ZNF536: variants seen among roughly 807,000 people sequenced by gnomAD.
The protein encoded by ZNF536 is zinc finger protein 536.
Under a neutral mutation model 84.5 loss-of-function variants are expected in ZNF536, and 13 were observed. The observed-to-expected ratio is 0.15, with a 90% confidence interval of 0.10 to 0.24. ZNF536 has a LOEUF of 0.24. ZNF536 is among the 10% of genes least tolerant of loss of function. ZNF536 has a pLI of 1.00. For synonymous variants in ZNF536, 811 were observed against 742.5 expected (o/e 1.09, Z -1.50); for missense variants, 1,536 against 1,747.5 (o/e 0.88, Z 2.16).
chr19:30,597,416 G>T (rs2047505819), intron 1 of ZNF536, among the ~76,000 whole-genome samples: 1 of 152,244 alleles, frequency 6.6e-6, no homozygotes, highest in Non-Finnish European at 1.5e-5. Context: ...ACCTGGCAGG[G>T]TTAGCCCGAG....
chr19:30,588,985 A>T (rs986963450), intron 1 of ZNF536, among the ~76,000 whole-genome samples: 1 of 152,232 alleles, frequency 6.6e-6, no homozygotes, highest in African/African-American at 2.4e-5. Flanking sequence ...TGTGGCCAAA[A>T]GAATAGAGCT....
intron 2 of ZNF536, among the ~76,000 whole-genome samples, chr19:30,349,346 G>A (rs2047854476): frequency 6.6e-6 from 1 of 152,206 alleles, no homozygotes; most frequent in Non-Finnish European, 1.5e-5. Context: ...TGACCCCGGT[G>A]TGAATGTCAT....
chr19:30,564,803 C>T (rs2046292684), intron 1 of ZNF536, among the ~76,000 whole-genome samples: 1 of 152,206 alleles, frequency 6.6e-6, no homozygotes, highest in African/African-American at 2.4e-5. Flanking sequence ...CTTTTCCCTG[C>T]TCTGCCTTCA....
intron 1 of ZNF536, among the ~76,000 whole-genome samples, chr19:30,394,988 G>A (rs759293049): frequency 2.6e-5 from 4 of 152,102 alleles, no homozygotes; most frequent in African/African-American, 4.8e-5. Context: ...TTGTGAGCTC[G>A]GTTACTCCTG....
At chr19:30,313,216 G>A (rs73016818) in intron 2 of ZNF536, among the ~76,000 whole-genome samples, 3,356 of 152,320 alleles carry the variant, frequency 0.022, 50 homozygotes, top group Non-Finnish European at 0.029. Flanking sequence ...CCCAGATAGC[G>A]GGGTGGAGGT....
At chr19:30,547,785 TAA>T (rs967882587) in intron 3 of ZNF536, among the ~76,000 whole-genome samples, 156 bp from the exon 4 acceptor site, 1 of 152,356 alleles carries the variant, frequency 6.6e-6, no homozygotes, top group African/African-American at 2.4e-5. Context: ...TAAAAAAGCT[TAA>T]GAGTACGAAT....
At chr19:30,607,781 T>C (rs1233982811) in intron 1 of ZNF536, among the ~76,000 whole-genome samples, 3 of 151,564 alleles carry the variant, frequency 2.0e-5, no homozygotes, top group Non-Finnish European at 4.4e-5. Context: ...ATATTAGAAA[T>C]ATATATGTAT....
chr19:30,616,855 T>G (rs1267470595), intron 1 of ZNF536, among the ~76,000 whole-genome samples: 2 of 152,166 alleles, frequency 1.3e-5, no homozygotes, highest in African/African-American at 4.8e-5. Context: ...GTTTAAATTT[T>G]TTCTCTCTCC....
At chr19:30,403,407 C>T (rs772637742) in intron 1 of ZNF536, among the ~76,000 whole-genome samples, 20 of 152,136 alleles carry the variant, frequency 1.3e-4, no homozygotes, top group Admixed American at 9.8e-4. Flanking sequence ...TCAAAGGCTG[C>T]GCAAGAATGT....
At chr19:30,512,274 A>C (rs1342015884) in intron 2 of ZNF536, among the ~76,000 whole-genome samples, 2 of 152,168 alleles carry the variant, frequency 1.3e-5, no homozygotes, top group South Asian at 2.1e-4. Flanking sequence ...ACCTGCCTTA[A>C]AATGTCGTTC....
chr19:30,360,158 C>G (rs916765715), intron 3 of ZNF536, among the ~76,000 whole-genome samples: 3 of 152,150 alleles, frequency 2.0e-5, no homozygotes, highest in Non-Finnish European at 4.4e-5. Flanking sequence ...TTCCTTCTAC[C>G]GAAAGTACCA....
At chr19:30,435,525 G>T (rs1032108292) in intron 1 of ZNF536, among the ~76,000 whole-genome samples, 26 of 151,770 alleles carry the variant, frequency 1.7e-4, no homozygotes, top group African/African-American at 5.8e-4. Context: ...TGGTGATGAT[G>T]ATGGTGATAG....
At chr19:30,712,957 A>G (rs2052497272) in exon 2 of ZNF536, 1 of 151,934 alleles carries the variant, frequency 6.6e-6, no homozygotes, top group South Asian at 2.1e-4. Context: ...TAAAAAAAAA[A>G]GAAAAAAGAA....
downstream of ZNF536, among the ~76,000 whole-genome samples, chr19:30,558,794 A>G (rs955779063): frequency 2.0e-5 from 3 of 152,152 alleles, no homozygotes; most frequent in East Asian, 1.9e-4. Context: ...TCTAAATTCA[A>G]TGACCATCCC....
At chr19:30,581,100 T>C (rs549588886) in intron 1 of ZNF536, among the ~76,000 whole-genome samples, 22 of 152,256 alleles carry the variant, frequency 1.4e-4, no homozygotes, top group Admixed American at 1.4e-3. Context: ...AAATTCACTA[T>C]GTAAGTAAAA....
intron 1 of ZNF536, among the ~76,000 whole-genome samples, chr19:30,258,194 T>C (rs2025010205): frequency 6.6e-6 from 1 of 152,170 alleles, no homozygotes; most frequent in South Asian, 2.1e-4. Flanking sequence ...TGGCTGCAAA[T>C]ATGCTAACCA....
At position 30,626,328 on chromosome 19, in the gene ZNF536, A is replaced by G. The variant is rs146383167; in HGVS notation, c.169+76814A>G. On this transcript the variant is annotated intron_variant, in intron 1 of 1. Coordinates refer to the ZNF536 transcript ENST00000592773. Reference sequence around the variant, plus strand: ...CCTAATTATCTTCTATATTTTTGCCAGATTTATTAAAATAAGATTTTCTGG... The same window carrying G: ...CCTAATTATCTTCTATATTTTTGCCGGATTTATTAAAATAAGATTTTCTGG... Among the ~76,000 whole-genome samples, 158 of 152,218 alleles carry G rather than the reference A, an allele frequency of 1.0e-3. 1 individual carries two copies. The highest frequency in any genetic ancestry group is 3.7e-3 in the African/African-American group (155 of 41,550).
intron 1 of ZNF536, among the ~76,000 whole-genome samples, chr19:30,392,360 T>G (rs2049630417): frequency 6.6e-6 from 1 of 152,108 alleles, no homozygotes; most frequent in Admixed American, 6.6e-5. Context: ...GGGATTCCAT[T>G]AAGGAGACCA....
intron 1 of ZNF536, among the ~76,000 whole-genome samples, chr19:30,635,462 C>G (rs1418245702): frequency 6.6e-6 from 1 of 152,190 alleles, no homozygotes; most frequent in Non-Finnish European, 1.5e-5. Flanking sequence ...AAGATGGCTC[C>G]CTGCCTGAGC....
Sources: gnomAD v4.1 joint callset for allele counts (sites outside exome capture counted in the v4.1 genomes callset) on GRCh38, gnomAD v4.1.1 for gene constraint, MANE v1.5 for transcripts, NCBI Gene and HGNC (gene_info 2026-07-23, HGNC 2026-07-21) for gene names.